Variants in AGBL3 observed in about 807,000 individuals in gnomAD.
The protein encoded by AGBL3 is cytosolic carboxypeptidase 3.
In AGBL3, 68 loss-of-function variants were observed where a neutral mutation model predicts 94.5. The ratio of observed to expected loss-of-function variants is 0.72; its 90% CI spans 0.59 to 0.88. The LOEUF is 0.88. Ranked by LOEUF, AGBL3 falls within the 40% of genes least tolerant of loss-of-function variation. The probability of loss-of-function intolerance (pLI) is 0.00; values close to 1 mark genes in which losing one functional copy is unlikely to be tolerated. For synonymous variants in AGBL3, 354 were observed against 370.7 expected, an observed-to-expected ratio of 0.95 and a Z score of 0.52; for missense variants, 934 against 1,103.8, an observed-to-expected ratio of 0.85 and a Z score of 2.18.
At chr7:135,081,691 C>A in intron 14 of AGBL3, 28 bp from the exon 15 acceptor site, 2 of 1,409,346 alleles carry the variant, frequency 1.4e-6, no homozygotes, top group Non-Finnish European at 1.9e-6. Flanking sequence ...TATTTTCATG[C>A]TACTATGATC....
chr7:135,104,162 G>A (rs372595895), intron 15 of AGBL3, among the ~76,000 whole-genome samples: 34 of 152,196 alleles, frequency 2.2e-4, no homozygotes, highest in African/African-American at 7.5e-4. Flanking sequence ...GTGACAACAT[G>A]TGATATTTGG....
chr7:135,107,747 T>C (rs1306547523), intron 15 of AGBL3, among the ~76,000 whole-genome samples: 2 of 152,208 alleles, frequency 1.3e-5, no homozygotes, highest in African/African-American at 4.8e-5. Context: ...GGTCCAATGT[T>C]GGATTCACAT....
At chr7:135,089,588 G>C (rs1469063279) in intron 15 of AGBL3, among the ~76,000 whole-genome samples, 1 of 152,148 alleles carries the variant, frequency 6.6e-6, no homozygotes, top group East Asian at 1.9e-4. Flanking sequence ...TAGGTGCAGT[G>C]GTATAGTCTC....
intron 12 of AGBL3, among the ~76,000 whole-genome samples, chr7:135,068,707 G>A (rs1819597396): frequency 6.6e-6 from 1 of 152,144 alleles, no homozygotes; most frequent in African/African-American, 2.4e-5. Context: ...GTCACCAGCA[G>A]GCCTTCCCTA....
chr7:135,011,020 A>C (rs533706172), intron 4 of AGBL3: 3 of 152,316 alleles, frequency 2.0e-5, no homozygotes, highest in African/African-American at 7.2e-5. Flanking sequence ...AAGGACAAAA[A>C]AATTGTAAGA....
rs1017342923 is a variant in AGBL3 at position 134,986,564 on chromosome 7, C to T, written c.-197C>T. On this transcript the variant is annotated 5_prime_UTR_variant, in exon 1 of 17. Transcript: ENST00000436302. ...TGGGGCTGCGGATCTCCAGCAGTGG[C>T]GTTACTTCTAGCGGCTGGATACCGG... The T allele has an allele frequency of 2.0e-5, 3 of 151,884 alleles. No homozygotes were observed. Among genetic ancestry groups the T allele is most frequent in the East Asian group, 3.9e-4 (2 of 5,132 alleles). The allele number at this position is 151,884 out of a possible 1,614,324, so 9.4% of individuals were successfully genotyped here. A position where few individuals can be genotyped will look rare whatever the true frequency, so the allele number is the denominator to read the frequency against.
chr7:135,076,368 ATTGATT>A (rs1237479584), intron 12 of AGBL3, 23 bp from the exon 13 acceptor site: 2 of 1,432,440 alleles, frequency 1.4e-6, no homozygotes, highest in Non-Finnish European at 1.9e-6. Context: ...TTGATTAAAT[ATTGATT>A]TTAAGTATGA....
chr7:134,989,294 G>T lies in AGBL3; in HGVS notation c.108G>T (p.Arg36=). Residue 36 remains arginine (R), a synonymous_variant, in exon 3 of 17, where the codon CGG becomes CGT. Coordinates refer to ENST00000436302, the MANE Select transcript of AGBL3 (RefSeq NM_178563.4). ...FMKFVSEDLH[R]CALLTADSFG... ...AATTTGTAAGTGAAGATCTTCATCG[G>T]TGTGCACTTTTAACAGGTTTGAACC... 1.3e-6 allele frequency: 2 copies of T among 1,547,332 alleles called. No homozygotes were observed. Among genetic ancestry groups the T allele is most frequent in the South Asian group, 1.2e-5 (1 of 83,240 alleles).
chr7:135,109,378 T>C (rs1225892084), intron 15 of AGBL3, among the ~76,000 whole-genome samples: 1 of 152,192 alleles, frequency 6.6e-6, no homozygotes, highest in African/African-American at 2.4e-5. Flanking sequence ...GTTGTAGAGC[T>C]GCTATTGGCT....
At chr7:135,005,034 A>T (rs1475513169) in intron 4 of AGBL3, among the ~76,000 whole-genome samples, 5 of 151,636 alleles carry the variant, frequency 3.3e-5, no homozygotes, top group Non-Finnish European at 7.4e-5. Flanking sequence ...TCGTACAGGA[A>T]CCCATATGGC....
intron 15 of AGBL3, among the ~76,000 whole-genome samples, chr7:135,085,363 T>C (rs1360790461): frequency 6.6e-6 from 1 of 152,136 alleles, no homozygotes; most frequent in Non-Finnish European, 1.5e-5. Flanking sequence ...TAGAATTCCA[T>C]TTGCCTATAT....
intron 3 of AGBL3, among the ~76,000 whole-genome samples, chr7:134,993,194 A>G (rs527344976): frequency 1.3e-5 from 2 of 152,286 alleles, no homozygotes; most frequent in East Asian, 3.9e-4. Context: ...GACTACATTT[A>G]AGAAGAGTCA....
In AGBL3 at chr7:135,037,413, G is replaced by A. The variant is rs1267077975; in HGVS notation, c.1338-5G>A. 1 of 1,538,910 alleles carries A rather than the reference G, an allele frequency of 6.5e-7. No individual in the cohort carries two copies. Among genetic ancestry groups the A allele is most frequent in the Non-Finnish European group, 8.8e-7 (1 of 1,142,586 alleles). On this transcript the variant is annotated splice_region_variant and splice_polypyrimidine_tract_variant and intron_variant, in intron 7 of 16. Coordinates refer to ENST00000436302, the MANE Select transcript of AGBL3 (RefSeq NM_178563.4). ...AAGTTAGTAACTTATCTTTCTTCCT[G>A]GCAGACTGATGGAGAAACGAGAGGT...
intron 15 of AGBL3, among the ~76,000 whole-genome samples, chr7:135,105,183 C>A (rs960031544): frequency 1.3e-5 from 2 of 149,054 alleles, no homozygotes; most frequent in Admixed American, 1.4e-4. Context: ...GATTCTCTTG[C>A]CTCAGCCTCC....
chr7:135,079,394 A>ATT (rs2116844344), intron 13 of AGBL3, among the ~76,000 whole-genome samples: 1 of 152,218 alleles, frequency 6.6e-6, no homozygotes, highest in African/African-American at 2.4e-5. Flanking sequence ...CTGCCAATCA[A>ATT]TTATATATAT....
At chr7:135,048,869 T>C (rs1817619201) in intron 11 of AGBL3, among the ~76,000 whole-genome samples, 1 of 151,820 alleles carries the variant, frequency 6.6e-6, no homozygotes, top group Admixed American at 6.6e-5. Context: ...TTTTCATTCG[T>C]TCTCTTGCCT....
At chr7:135,100,020 TG>T (rs894834777) in intron 15 of AGBL3, 1 of 151,810 alleles carries the variant, frequency 6.6e-6, no homozygotes, top group African/African-American at 2.4e-5. Flanking sequence ...CCCGAGTAGC[TG>T]GAACTACAGG....
rs1043482054 is a variant in AGBL3 at position 135,091,411 on chromosome 7, G to A, written c.2110+9621G>A. On this transcript the variant is annotated intron_variant, in intron 15 of 16. Coordinates refer to ENST00000436302, the MANE Select transcript of AGBL3 (RefSeq NM_178563.4). The stretch of plus-strand genomic sequence containing the variant: ...CATTTTCAAAAAATTGACGCTTGAT[G>A]TACATGGGTTTCACATCCTTTGAAT... Among the ~76,000 whole-genome samples, 16 of 152,144 alleles carry A rather than the reference G, an allele frequency of 1.1e-4. 1 individual carries two copies. Among genetic ancestry groups the A allele is most frequent in the Non-Finnish European group, 2.4e-4 (16 of 68,028 alleles).
intron 8 of AGBL3, 100 bp downstream of exon 8, chr7:135,037,680 T>G (rs2116486842): frequency 2.0e-6 from 2 of 1,006,964 alleles, no homozygotes; most frequent in South Asian, 2.4e-5. Flanking sequence ...AACTGCTTTT[T>G]TTTTAGTTAG....
Sources: allele counts gnomAD v4.1 joint callset (sites outside exome capture counted in the v4.1 genomes callset), GRCh38; gene constraint gnomAD v4.1.1; transcripts MANE v1.5; gene names NCBI Gene and HGNC (gene_info 2026-07-23, HGNC 2026-07-21).